The following CCAR1 variants were observed in gnomAD, a reference collection of about 807,000 sequenced individuals.
CCAR1 encodes cell division cycle and apoptosis regulator 1.
A neutral mutation model predicts 163.8 loss-of-function variants in CCAR1; 78 were observed. The ratio of observed to expected loss-of-function variants is 0.48; its 90% CI spans 0.40 to 0.57. The LOEUF (loss-of-function observed/expected upper bound fraction) is 0.57, where lower values mean the gene tolerates loss of function less well. Among genes scored for constraint, CCAR1 ranks in the 20% least tolerant of loss-of-function variants. The pLI, the probability that CCAR1 is intolerant of heterozygous loss-of-function variation, is 0.00. For missense variants in CCAR1, 1,019 were observed against 1,365.2 expected (o/e 0.75, Z 4.00); for synonymous variants, 443 against 460.7 (o/e 0.96, Z 0.49).
chr10:68,764,557 A>G (rs544023138), intron 16 of CCAR1, among the ~76,000 whole-genome samples: 42 of 152,040 alleles, frequency 2.8e-4, no homozygotes, highest in African/African-American at 9.4e-4. Flanking sequence ...AAAAAGTTGC[A>G]TGTATTGAAA....
chr10:68,766,671 C>T (rs1043062213), intron 17 of CCAR1, among the ~76,000 whole-genome samples: 3 of 151,866 alleles, frequency 2.0e-5, no homozygotes, highest in African/African-American at 7.3e-5. Context: ...AGATTACAGG[C>T]ATGAGCCACC....
chr10:68,771,333 A>G lies in CCAR1; in HGVS notation c.2426A>G (p.Asp809Gly), dbSNP rs762658832. ...KKEKDKKSKK[D>G]ERKDKKEERD... ...GAAAAGGATAAAAAAAGCAAAAAAG[A>G]TGAGAGAAAAGATAAAAAAGAAGAA... Residue 809 changes from aspartate (D) to glycine (G), a missense_variant, in exon 18 of 25, where the codon GAT becomes GGT. Transcript: ENST00000265872. The G allele has an allele frequency of 3.1e-6, 5 of 1,608,222 alleles. No homozygotes were observed. Among genetic ancestry groups the G allele is most frequent in the Non-Finnish European group, 4.2e-6 (5 of 1,176,678 alleles).
chr10:68,722,370 A>C (rs1440973738), intron 1 of CCAR1, 85 bp from the exon 2 acceptor site: 1 of 776,414 alleles, frequency 1.3e-6, no homozygotes, highest in African/African-American at 1.7e-5. Flanking sequence ...TCCTCGACAC[A>C]TTAAACATTT....
chr10:68,755,614 C>A (rs1205164567), intron 13 of CCAR1, 78 bp downstream of exon 13: 1 of 1,281,662 alleles, frequency 7.8e-7, no homozygotes, highest in Admixed American at 2.2e-5. Flanking sequence ...CAGCCTTTTC[C>A]CCCCGGCTTA....
At chr10:68,722,981 G>A (rs1457000671) in intron 2 of CCAR1, among the ~76,000 whole-genome samples, 7 of 151,782 alleles carry the variant, frequency 4.6e-5, no homozygotes, top group African/African-American at 1.7e-4. Flanking sequence ...ATTGTAAAGT[G>A]TTTGCAAATT....
At chr10:68,786,742 C>A in intron 21 of CCAR1, 50 bp downstream of exon 21, 1 of 1,481,516 alleles carries the variant, frequency 6.7e-7, no homozygotes, top group Non-Finnish European at 9.2e-7. Flanking sequence ...TAAAAGTTAC[C>A]TTTCCAGTGA....
intron 19 of CCAR1, among the ~76,000 whole-genome samples, chr10:68,785,644 C>G (rs2056787823): frequency 6.6e-6 from 1 of 152,160 alleles, no homozygotes; most frequent in Non-Finnish European, 1.5e-5. Flanking sequence ...TGCCTGTATG[C>G]AAGTCAGTGG....
At chr10:68,730,290 T>C (rs950169915) in intron 2 of CCAR1, among the ~76,000 whole-genome samples, 1 of 151,368 alleles carries the variant, frequency 6.6e-6, no homozygotes, top group Non-Finnish European at 1.5e-5. Flanking sequence ...CATGACTGTT[T>C]TAGTCATATG....
intron 13 of CCAR1, 115 bp downstream of exon 13, chr10:68,755,651 A>G: frequency 2.6e-6 from 2 of 769,422 alleles, no homozygotes; most frequent in Non-Finnish European, 4.0e-6. Context: ...CAATGCAGGT[A>G]ATCTCAAAGG....
At chr10:68,776,705 A>G (rs1184046313) in intron 19 of CCAR1, among the ~76,000 whole-genome samples, 2 of 152,110 alleles carry the variant, frequency 1.3e-5, no homozygotes, top group African/African-American at 4.8e-5. Context: ...GGTGCATGCC[A>G]TTGCACCCAG....
In CCAR1 at chr10:68,757,357, C is replaced by T. The variant is rs773715667; in HGVS notation, c.1900C>T (p.Leu634Phe). The change falls in exon 15 of 25, where the codon CTT becomes TTT. Residue 634 changes from leucine to phenylalanine, a missense_variant. By Grantham distance (22) the Leu-to-Phe change is conservative. Around this residue, in one of 4 missense-constraint regions of CCAR1, gnomAD observed 644 missense variants for 904.4 expected, o/e 0.71. Coordinates refer to ENST00000265872, the MANE Select transcript of CCAR1 (RefSeq NM_018237.4). ...TTCTACACCTACCCATTGGTCTAAA[C>T]TTGATCCAAAGACAATGAAGGTAAC... The part of the protein sequence containing the change: ...EISTPTHWSK[L>F]DPKTMKVNDL... 1 of 1,571,898 alleles carries T rather than the reference C, an allele frequency of 6.4e-7. No homozygotes were observed. Among genetic ancestry groups the T allele is most frequent in the Admixed American group, 1.7e-5 (1 of 59,404 alleles).
chr10:68,782,368 G>A (rs1464439279), intron 19 of CCAR1, among the ~76,000 whole-genome samples: 8 of 151,980 alleles, frequency 5.3e-5, no homozygotes, highest in South Asian at 2.1e-4. Context: ...CTATGATTAC[G>A]CCACTGCACT....
At position 68,788,305 on chromosome 10, in the gene CCAR1, T is replaced by A; in HGVS notation, c.3164T>A (p.Leu1055Gln). Reference sequence around the variant, plus strand: ...GTAAGAGCTGAGGTAGAACAGAAGCTGCAGTTACTAGAAGAAAAAACAGGT... The same window carrying A: ...GTAAGAGCTGAGGTAGAACAGAAGCAGCAGTTACTAGAAGAAAAAACAGGT... Reference protein sequence around the residue: ...EKVRAEVEQKLQLLEEKTDED... With the variant: ...EKVRAEVEQKQQLLEEKTDED... The change falls in exon 23 of 25, where the codon CTG becomes CAG. Residue 1055 changes from leucine (L) to glutamine (Q), a missense_variant. Physicochemically the swap from Leu to Gln is moderately radical, Grantham distance 113 (BLOSUM62 -2). Coordinates refer to ENST00000265872, the MANE Select transcript of CCAR1 (RefSeq NM_018237.4). The A allele has an allele frequency of 6.4e-7, 1 of 1,568,956 alleles. No homozygotes were observed. Among genetic ancestry groups the A allele is most frequent in the Non-Finnish European group, 8.6e-7 (1 of 1,166,444 alleles).
intron 10 of CCAR1, among the ~76,000 whole-genome samples, 155 bp downstream of exon 10, chr10:68,749,840 C>G (rs528473118): frequency 6.6e-6 from 1 of 152,288 alleles, no homozygotes; most frequent in African/African-American, 2.4e-5. Context: ...ACTTAATTAT[C>G]TACAATGCTG....
intron 10 of CCAR1, among the ~76,000 whole-genome samples, chr10:68,750,368 C>T (rs757476693): frequency 6.6e-6 from 1 of 151,802 alleles, no homozygotes; most frequent in Non-Finnish European, 1.5e-5. Flanking sequence ...ATTACAGGTG[C>T]TCAGCACCAC....
At position 68,778,338 on chromosome 10, in the gene CCAR1, A is replaced by G. The variant is rs543398042; in HGVS notation, c.2650+5239A>G. ...GAGTGGACCCCTCACATATGCTTCT[A>G]TGTTAGGAGATTTACATTGGCAGTT... On this transcript the variant is annotated intron_variant, in intron 19 of 24. Coordinates refer to ENST00000265872, the MANE Select transcript of CCAR1 (RefSeq NM_018237.4). Among the ~76,000 whole-genome samples, 14 of 152,300 alleles carry G rather than the reference A, an allele frequency of 9.2e-5. No individual in the cohort carries two copies. The East Asian group carries it at 1.5e-3, about 17-fold the overall frequency.
rs926405533 is a variant in CCAR1 at position 68,792,109 on chromosome 10, C to G, written c.*843C>G. On this transcript the variant is annotated 3_prime_UTR_variant, in exon 25 of 25. Transcript: ENST00000265872. ...AAAAAAAATCAGTTTATTTGAAAGA[C>G]AGTATATCAGAAAGAAAGAAGCAAT... 6.6e-6 allele frequency: 1 copy of G among 151,332 alleles called. No homozygotes were observed. The highest frequency in any genetic ancestry group is 1.5e-5 in the Non-Finnish European group (1 of 67,884). 9.4% of individuals were successfully genotyped at this position (151,332 alleles called of 1,614,324 possible). A position where few individuals can be genotyped will look rare whatever the true frequency, so the allele number is the denominator to read the frequency against.
At position 68,756,489 on chromosome 10, in the gene CCAR1, G is replaced by T; in HGVS notation, c.1836+6G>T. The stretch of plus-strand genomic sequence containing the variant: ...AGGAGGCTGATGGAGAACAGGCACT[G>T]AACGCTAATCCCTTTTTCTATTTCC... On this transcript the variant is annotated splice_donor_region_variant and intron_variant, in intron 14 of 24. Transcript: ENST00000265872. This position sits in a 1 kb window ranked among gnomAD's most constrained non-coding sequence, Gnocchi z 5.1. 1 of 1,595,296 alleles carries T rather than the reference G, an allele frequency of 6.3e-7. No homozygotes were observed. The highest frequency in any genetic ancestry group is 1.1e-5 in the South Asian group (1 of 88,890).
intron 10 of CCAR1, among the ~76,000 whole-genome samples, chr10:68,752,396 T>C (rs1241557962): frequency 3.9e-5 from 6 of 152,248 alleles, no homozygotes; most frequent in African/African-American, 9.6e-5. Context: ...TTTGTACTTA[T>C]ATCTTTTGTT....
Sources: gnomAD v4.1 joint callset for allele counts (sites outside exome capture counted in the v4.1 genomes callset) on GRCh38, gnomAD v4.1.1 for gene constraint, gnomAD v4.1.1 regional missense constraint, Gnocchi (gnomAD v3.1) non-coding constraint, MANE v1.5 for transcripts, NCBI Gene and HGNC (gene_info 2026-07-23, HGNC 2026-07-21) for gene names.